Variants in MAP3K4 observed in about 807,000 individuals in gnomAD.
MAP3K4 encodes the protein MAP three kinase 1.
MAP3K4 carries 67 observed loss-of-function variants against 185.6 expected under a neutral mutation model. That is an observed-to-expected ratio of 0.36 (90% CI 0.30 to 0.44). The LOEUF (loss-of-function observed/expected upper bound fraction) is 0.44, where lower values mean the gene tolerates loss of function less well. Ranked by LOEUF, MAP3K4 falls within the 20% of genes least tolerant of loss-of-function variation. The pLI, the probability that MAP3K4 is intolerant of heterozygous loss-of-function variation, is 1.00. For missense variants in MAP3K4, 1,551 were observed against 1,995.1 expected, an observed-to-expected ratio of 0.78 and a Z score of 4.24; for synonymous variants, 702 against 710.4, an observed-to-expected ratio of 0.99 and a Z score of 0.19.
Position 161,039,263 on chromosome 6 carries a change from C to T in MAP3K4, c.343+4814C>T, listed in dbSNP as rs75146279. On this transcript the variant is annotated intron_variant, in intron 2 of 26. Transcript: ENST00000392142. ...ATACTGTCTTTGCTTCCCCTAGCCC[C>T]GAACCCGCAAAAATGCAAAAAAAAA... is the stretch of plus-strand genomic sequence containing the variant. Among the ~76,000 whole-genome samples the T allele has an allele frequency of 3.0e-3, 366 of 123,764 alleles. 1 individual carries two copies. Among genetic ancestry groups the T allele is most frequent in the African/African-American group, 0.012 (347 of 30,084 alleles). The allele number at this position is 123,764 out of a possible 152,430, so 81.2% of individuals were successfully genotyped here.
Position 161,070,969 on chromosome 6 carries a change from T to C in MAP3K4, c.1950+119T>C. ...ATTGTCGCAAATAGTGAAAAATGAC[T>C]GTTTGTCCATGGTTTTAAGCTGTAT... On this transcript the variant is annotated intron_variant, in intron 4 of 26. Transcript: ENST00000392142. This position sits in a 1 kb window ranked among gnomAD's most constrained non-coding sequence, Gnocchi z 4.5. 1.1e-6 allele frequency: 1 copy of C among 950,242 alleles called. No homozygotes were observed. The highest frequency in any genetic ancestry group is 2.7e-5 in the East Asian group (1 of 37,272). The allele number at this position is 950,242 out of a possible 1,614,324, so 58.9% of individuals were successfully genotyped here.
rs377584126 is a variant in MAP3K4, at chr6:161,076,596, A to G, written c.2097+2984A>G. ...AGAAGTAACCAAGACAATAAACATAATAATACATGATGTAGGAACATGTGA... is the reference window on the plus strand; with the variant it reads ...AGAAGTAACCAAGACAATAAACATAGTAATACATGATGTAGGAACATGTGA... On this transcript the variant is annotated intron_variant, in intron 5 of 26. Coordinates refer to ENST00000392142, the MANE Select transcript of MAP3K4 (RefSeq NM_005922.4). This position sits in a 1 kb window ranked among gnomAD's most constrained non-coding sequence, Gnocchi z 4.2. Among the ~76,000 whole-genome samples the G allele has an allele frequency of 6.6e-6, 1 of 152,208 alleles. No individual in the cohort carries two copies. Among genetic ancestry groups the G allele is most frequent in the Non-Finnish European group, 1.5e-5 (1 of 68,044 alleles).
rs559877615 is a variant in MAP3K4, at chr6:161,100,220, C to T, written c.3675-1672C>T. Reference sequence around the variant, plus strand: ...CACTGGTGGATTCGGCCCACTGCTCCCGAGGCAGACTTCACATACCCAAGG... The same window carrying T: ...CACTGGTGGATTCGGCCCACTGCTCTCGAGGCAGACTTCACATACCCAAGG... On this transcript the variant is annotated intron_variant, in intron 17 of 26. Coordinates refer to ENST00000392142, the MANE Select transcript of MAP3K4 (RefSeq NM_005922.4). This position sits in a 1 kb window ranked among gnomAD's most constrained non-coding sequence, Gnocchi z 5.8. 2.0e-5 allele frequency among the ~76,000 whole-genome samples: 3 copies of T among 152,262 alleles called. No individual in the cohort carries two copies. Among genetic ancestry groups the T allele is most frequent in the South Asian group, 4.1e-4 (2 of 4,826 alleles).
chr6:161,088,145 T>TA lies in MAP3K4; in HGVS notation c.2823+194dup, dbSNP rs1248961590. Among the ~76,000 whole-genome samples, 1 of 152,208 alleles carries TA rather than the reference T, an allele frequency of 6.6e-6. No individual in the cohort carries two copies. Among genetic ancestry groups the TA allele is most frequent in the Non-Finnish European group, 1.5e-5 (1 of 68,020 alleles). ...TGTACAATATATCATTCTGTTAAGT[T>TA]AAATTATACTGGAATACTTGAAATA... On this transcript the variant is annotated intron_variant, in intron 10 of 26. Coordinates refer to ENST00000392142, the MANE Select transcript of MAP3K4 (RefSeq NM_005922.4). The surrounding 1 kb of genome is among the most constrained non-coding windows in gnomAD (Gnocchi z 4.5).
chr6:161,037,964 CT>C lies in MAP3K4; in HGVS notation c.343+3516del. Among the ~76,000 whole-genome samples, 1 of 151,978 alleles carries C rather than the reference CT, an allele frequency of 6.6e-6. No homozygotes were observed. Among genetic ancestry groups the C allele is most frequent in the South Asian group, 2.1e-4 (1 of 4,822 alleles). Reference sequence around the variant, plus strand: ...CGCTTTATCTCACTACATAATGCTGCTAGTACATTTTTTTTGTTACTGTTGC... The same window carrying C: ...CGCTTTATCTCACTACATAATGCTGCAGTACATTTTTTTTGTTACTGTTGC... On this transcript the variant is annotated intron_variant, in intron 2 of 26. Transcript: ENST00000392142. This position sits in a 1 kb window ranked among gnomAD's most constrained non-coding sequence, Gnocchi z 4.2.
rs117861934 is a variant in MAP3K4 at position 161,107,547 on chromosome 6, T to C, written c.4049-352T>C. On this transcript the variant is annotated intron_variant, in intron 20 of 26. Transcript: ENST00000392142. The surrounding 1 kb of genome is among the most constrained non-coding windows in gnomAD (Gnocchi z 6.2). ...GTCAGGCTTAGTCCTGGCTGTTTTCTGCTGCTCCCAGCCCCAGCCAAGATC... is the reference window on the plus strand; with the variant it reads ...GTCAGGCTTAGTCCTGGCTGTTTTCCGCTGCTCCCAGCCCCAGCCAAGATC... Among the ~76,000 whole-genome samples the C allele has an allele frequency of 9.3e-3, 1,416 of 152,316 alleles. 11 individuals are homozygous for C. Among genetic ancestry groups the C allele is most frequent in the South Asian group, 0.016 (78 of 4,828 alleles).
In MAP3K4 at chr6:161,070,779, A is replaced by G. The variant is rs750332960; in HGVS notation, c.1879A>G (p.Ile627Val). ...TCTCTGCCGAGTCCTTCTGAATGTC[A>G]TACATGAGTGTCTGAAGTTAAGATT... ...LVLCRVLLNV[I>V]HECLKLRLEQ... Residue 627 changes from isoleucine to valine, a missense_variant, in exon 4 of 27, where the codon ATA (isoleucine) becomes GTA (valine). By Grantham distance (29) the Ile-to-Val change is conservative (BLOSUM62 3). Coordinates refer to ENST00000392142, the MANE Select transcript of MAP3K4 (RefSeq NM_005922.4). This position sits in a 1 kb window ranked among gnomAD's most constrained non-coding sequence, Gnocchi z 4.5. 3 of 1,614,138 alleles carry G rather than the reference A, an allele frequency of 1.9e-6. No homozygotes were observed. The highest frequency in any genetic ancestry group is 2.2e-5 in the East Asian group (1 of 44,880).
At chr6:161,089,524 AGT>A (rs747273012) in intron 11 of MAP3K4, 53 bp downstream of exon 11, 25 of 1,597,452 alleles carry the variant, frequency 1.6e-5, no homozygotes, top group South Asian at 3.4e-5. Context: ...GATGAAAGTC[AGT>A]GTGTGGTAAT....
chr6:161,018,590 A>G (rs989590012), intron 1 of MAP3K4, among the ~76,000 whole-genome samples: 1 of 152,238 alleles, frequency 6.6e-6, no homozygotes, highest in Admixed American at 6.5e-5. Context: ...TAGCCTACAA[A>G]AAAACCCTCA....
chr6:161,032,811 G>A (rs866169710), intron 1 of MAP3K4, among the ~76,000 whole-genome samples: 2 of 152,148 alleles, frequency 1.3e-5, no homozygotes, highest in South Asian at 2.1e-4. Context: ...CATTTAAAAC[G>A]TATTTCTAAA....
At position 161,054,401 on chromosome 6, in the gene MAP3K4, C is replaced by T. The variant is rs1484440568; in HGVS notation, c.1707+4422C>T. The stretch of plus-strand genomic sequence containing the variant: ...AACTCCTGACCTCACATGATCCACC[C>T]GCCTTGGCCTCCCAAAGTGCTGGGA... On this transcript the variant is annotated intron_variant, in intron 3 of 26. Coordinates refer to ENST00000392142, the MANE Select transcript of MAP3K4 (RefSeq NM_005922.4). The surrounding 1 kb of genome is among the most constrained non-coding windows in gnomAD (Gnocchi z 4.2). Among the ~76,000 whole-genome samples the T allele has an allele frequency of 6.6e-6, 1 of 152,026 alleles. No individual in the cohort carries two copies. The highest frequency in any genetic ancestry group is 6.5e-5 in the Admixed American group (1 of 15,278).
chr6:160,992,066 G>C lies in MAP3K4; in HGVS notation c.135G>C (p.Glu45Asp), dbSNP rs1180866834. Residue 45 changes from glutamate to aspartate, a missense_variant, in exon 1 of 27, where the codon GAG becomes GAC. This residue lies in a region of MAP3K4 where 287 missense variants were observed against 268.8 expected (regional missense o/e 1.07). Coordinates refer to ENST00000392142, the MANE Select transcript of MAP3K4 (RefSeq NM_005922.4). ...AACCCGAGACCGAGTCAGAACCCGA[G>C]TGCTGCTTGGCGGCGAGGTGAGTGT... ...PPEPETESEP[E>D]CCLAARQEGT... The C allele has an allele frequency of 6.3e-7, 1 of 1,580,862 alleles. No homozygotes were observed. Among genetic ancestry groups the C allele is most frequent in the Non-Finnish European group, 8.6e-7 (1 of 1,169,168 alleles).
At chr6:161,069,073 G>A (rs758952239) in intron 3 of MAP3K4, among the ~76,000 whole-genome samples, 24 of 152,182 alleles carry the variant, frequency 1.6e-4, no homozygotes, top group Non-Finnish European at 2.4e-4. Flanking sequence ...TTTTTAGAGC[G>A]TTTTTCCCAT....
At position 161,116,905 on chromosome 6, in the gene MAP3K4, A is replaced by T; in HGVS notation, c.*35A>T. On this transcript the variant is annotated 3_prime_UTR_variant, in exon 27 of 27. Coordinates refer to ENST00000392142, the MANE Select transcript of MAP3K4 (RefSeq NM_005922.4). This position sits in a 1 kb window ranked among gnomAD's most constrained non-coding sequence, Gnocchi z 6.2. ...GAATATGGACTTGGAAAATTCTCTT[A>T]ATCACTACTGTATGTAATATTTACA... The T allele has an allele frequency of 6.3e-7, 1 of 1,587,772 alleles. No individual in the cohort carries two copies. Among genetic ancestry groups the T allele is most frequent in the Non-Finnish European group, 8.7e-7 (1 of 1,155,982 alleles).
chr6:161,013,074 A>T (rs375952495), intron 1 of MAP3K4, among the ~76,000 whole-genome samples: 1 of 152,184 alleles, frequency 6.6e-6, no homozygotes, highest in East Asian at 1.9e-4. Context: ...ACACTTTTAA[A>T]GGTTTTAATA....
Position 161,049,278 on chromosome 6 carries a change from G to A in MAP3K4, c.1006G>A (p.Gly336Ser). Residue 336 changes from glycine (G) to serine (S), a missense_variant, in exon 3 of 27, where the codon GGT (glycine) becomes AGT (serine). Transcript: ENST00000392142. This position sits in a 1 kb window ranked among gnomAD's most constrained non-coding sequence, Gnocchi z 8.4. ...AGCCACTCCTGGAACAAAGATTGTA[G>A]GTTACTCAACACATCATGAGCATCT... ...CKATPGTKIV[G>S]YSTHHEHLQR... 3 of 1,614,122 alleles carry A rather than the reference G, an allele frequency of 1.9e-6. No homozygotes were observed. The highest frequency in any genetic ancestry group is 2.5e-6 in the Non-Finnish European group (3 of 1,179,986).
At chr6:161,085,738 A>G (rs1346971243) in intron 7 of MAP3K4, among the ~76,000 whole-genome samples, 1 of 152,218 alleles carries the variant, frequency 6.6e-6, no homozygotes, top group East Asian at 1.9e-4. Context: ...GGTGGGTTCA[A>G]AATAACCCCA....
At chr6:161,002,803 T>G (rs1308025454) in intron 1 of MAP3K4, among the ~76,000 whole-genome samples, 3 of 151,972 alleles carry the variant, frequency 2.0e-5, no homozygotes. Flanking sequence ...ATGTTAGCCA[T>G]GATGGTCTCG....
intron 1 of MAP3K4, among the ~76,000 whole-genome samples, chr6:161,029,247 G>A (rs1288367039): frequency 1.3e-5 from 2 of 151,866 alleles, no homozygotes; most frequent in East Asian, 3.9e-4. Context: ...TTTTTGGCGG[G>A]GGTGGTGTTG....
Sources: gnomAD v4.1 joint callset for allele counts (sites outside exome capture counted in the v4.1 genomes callset) on GRCh38, gnomAD v4.1.1 for gene constraint, gnomAD v4.1.1 regional missense constraint, Gnocchi (gnomAD v3.1) non-coding constraint, MANE v1.5 for transcripts, NCBI Gene and HGNC (gene_info 2026-07-23, HGNC 2026-07-21) for gene names.